Variants in PTPRK observed in about 807,000 individuals in gnomAD.
The protein encoded by PTPRK is protein tyrosine phosphatase receptor type K, also known as receptor-type tyrosine-protein phosphatase kappa.
A neutral mutation model predicts 178.0 loss-of-function variants in PTPRK; 75 were observed. That is an observed-to-expected ratio of 0.42 (90% confidence interval 0.35 to 0.51). The LOEUF is 0.51. Ranked by LOEUF, PTPRK falls within the 20% of genes least tolerant of loss-of-function variation. The pLI is 0.02. For missense variants in PTPRK, 1,441 were observed against 1,797.8 expected, an observed-to-expected ratio of 0.80 and a Z score of 3.59; for synonymous variants, 637 against 620.6, an observed-to-expected ratio of 1.03 and a Z score of -0.39.
chr6:128,287,923 C>T (rs929423949), intron 3 of PTPRK, among the ~76,000 whole-genome samples: 1 of 152,022 alleles, frequency 6.6e-6, no homozygotes, highest in African/African-American at 2.4e-5. Flanking sequence ...CATGATTATC[C>T]TGTGGCTACT....
chr6:127,973,952 C>T, intron 27 of PTPRK, 125 bp from the exon 28 acceptor site: 1 of 906,092 alleles, frequency 1.1e-6, no homozygotes, highest in Non-Finnish European at 1.6e-6. Context: ...GATATAAATC[C>T]TCAATATGTA....
chr6:128,227,156 A>C (rs1424100179), intron 5 of PTPRK, among the ~76,000 whole-genome samples: 1 of 152,178 alleles, frequency 6.6e-6, no homozygotes, highest in Non-Finnish European at 1.5e-5. Context: ...TCAAACAAAG[A>C]AACAAGAACA....
At chr6:128,379,378 C>A (rs1230238989) in intron 2 of PTPRK, among the ~76,000 whole-genome samples, 1 of 152,102 alleles carries the variant, frequency 6.6e-6, no homozygotes. Context: ...AGTATCAATC[C>A]ATTTACATTA....
chr6:128,498,613 A>G (rs79110434), intron 1 of PTPRK, among the ~76,000 whole-genome samples: 1 of 152,200 alleles, frequency 6.6e-6, no homozygotes, highest in Admixed American at 6.5e-5. Flanking sequence ...GCATAACTCA[A>G]AGTCTTCAGG....
chr6:128,391,195 A>G (rs941741024), intron 2 of PTPRK, among the ~76,000 whole-genome samples: 1 of 152,130 alleles, frequency 6.6e-6, no homozygotes, highest in Non-Finnish European at 1.5e-5. Flanking sequence ...TCCAGCTTTA[A>G]ACATCTGAAG....
chr6:128,103,763 G>A (rs1452139750), intron 7 of PTPRK, among the ~76,000 whole-genome samples: 2 of 151,998 alleles, frequency 1.3e-5, no homozygotes, highest in African/African-American at 2.4e-5. Context: ...TTATCACCTG[G>A]GGCTGCAATC....
At chr6:128,451,847 T>C (rs1389972232) in intron 1 of PTPRK, among the ~76,000 whole-genome samples, 2 of 152,160 alleles carry the variant, frequency 1.3e-5, no homozygotes, top group Non-Finnish European at 2.9e-5. Context: ...CCAAAAAGTT[T>C]GGAAACCACC....
chr6:128,392,555 C>G (rs1839739195), intron 2 of PTPRK, among the ~76,000 whole-genome samples: 3 of 151,978 alleles, frequency 2.0e-5, no homozygotes, highest in Admixed American at 1.3e-4. Flanking sequence ...GTAAAATGGT[C>G]AAATAAATTT....
At chr6:128,288,556 G>C (rs116445817) in intron 3 of PTPRK, among the ~76,000 whole-genome samples, 1 of 152,020 alleles carries the variant, frequency 6.6e-6, no homozygotes, top group East Asian at 1.9e-4. Flanking sequence ...AGGATAAAAG[G>C]GCATGGGATT....
At chr6:128,164,993 C>T (rs1348777137) in intron 7 of PTPRK, among the ~76,000 whole-genome samples, 1 of 151,162 alleles carries the variant, frequency 6.6e-6, no homozygotes, top group Non-Finnish European at 1.5e-5. Context: ...CATATCATAG[C>T]AAACATAACA....
intron 1 of PTPRK, among the ~76,000 whole-genome samples, chr6:128,442,109 C>A (rs1161261467): frequency 6.6e-6 from 1 of 152,188 alleles, no homozygotes; most frequent in Non-Finnish European, 1.5e-5. Context: ...CAAAATACTT[C>A]ATAATGTTCT....
intron 1 of PTPRK, among the ~76,000 whole-genome samples, chr6:128,411,984 T>C (rs1410386211): frequency 6.6e-6 from 1 of 152,268 alleles, no homozygotes; most frequent in Non-Finnish European, 1.5e-5. Flanking sequence ...TTGATGCTAC[T>C]GGGCCTTCTA....
chr6:127,974,853 A>G (rs1003364680), intron 27 of PTPRK, among the ~76,000 whole-genome samples: 3 of 152,218 alleles, frequency 2.0e-5, no homozygotes, highest in African/African-American at 7.2e-5. Flanking sequence ...AGAACTTTGC[A>G]TAATACTTCC....
At chr6:128,510,640 T>C (rs1328338956) in intron 1 of PTPRK, among the ~76,000 whole-genome samples, 1 of 152,212 alleles carries the variant, frequency 6.6e-6, no homozygotes, top group East Asian at 1.9e-4. Context: ...CATGCATACA[T>C]GTATAAATTC....
At chr6:128,361,181 G>T (rs1834690834) in intron 2 of PTPRK, among the ~76,000 whole-genome samples, 1 of 152,106 alleles carries the variant, frequency 6.6e-6, no homozygotes, top group Non-Finnish European at 1.5e-5. Context: ...TACTTGGGTA[G>T]TCCCTGGGCA....
intron 2 of PTPRK, among the ~76,000 whole-genome samples, chr6:128,375,948 T>G (rs1837012550): frequency 6.6e-6 from 1 of 152,306 alleles, no homozygotes; most frequent in East Asian, 1.9e-4. Context: ...ATGCAAGAGA[T>G]GGGTTCCCAT....
chr6:128,273,602 A>C (rs1296244494), intron 3 of PTPRK, among the ~76,000 whole-genome samples: 1 of 152,120 alleles, frequency 6.6e-6, no homozygotes, highest in East Asian at 1.9e-4. Flanking sequence ...CTAAGATGCA[A>C]CATCTTCTGC....
intron 1 of PTPRK, among the ~76,000 whole-genome samples, chr6:128,437,777 G>T (rs1250714779): frequency 1.3e-5 from 2 of 152,172 alleles, no homozygotes; most frequent in Non-Finnish European, 1.5e-5. Flanking sequence ...TGATGAGGGG[G>T]TGTACCGAGG....
chr6:128,000,266 C>G, intron 15 of PTPRK: 10 of 1,260,424 alleles, frequency 7.9e-6, no homozygotes, highest in Non-Finnish European at 1.0e-5. Context: ...TGTTCTATCA[C>G]CAACTCTACA....
Sources: allele counts gnomAD v4.1 joint callset (sites outside exome capture counted in the v4.1 genomes callset), GRCh38; gene constraint gnomAD v4.1.1; transcripts MANE v1.5; gene names NCBI Gene and HGNC (gene_info 2026-07-23, HGNC 2026-07-21).